The following SSBP4 variants were observed in gnomAD, a reference collection of about 807,000 sequenced individuals.
SSBP4 encodes single-stranded DNA-binding protein 4.
A neutral mutation model predicts 64.6 loss-of-function variants in SSBP4; 33 were observed. That is an observed-to-expected ratio of 0.51 (90% CI 0.39 to 0.68). SSBP4 has a LOEUF of 0.68. Ranked by LOEUF, SSBP4 falls within the 30% of genes least tolerant of loss-of-function variation. The probability of loss-of-function intolerance (pLI) is 0.00; values close to 1 mark genes in which losing one functional copy is unlikely to be tolerated. For missense variants in SSBP4, 583 were observed against 566.8 expected (o/e 1.03, Z -0.29); for synonymous variants, 243 against 224.0 (o/e 1.08, Z -0.76).
chr19:18,433,077 C>T (rs771113475), intron 14 of SSBP4, 34 bp downstream of exon 14: 15 of 1,613,682 alleles, frequency 9.3e-6, no homozygotes, highest in Non-Finnish European at 1.3e-5. Context: ...CTTCTCGAGG[C>T]GGTGACCCCA....
upstream of SSBP4, among the ~76,000 whole-genome samples, chr19:18,416,706 G>A (rs957294135): frequency 6.6e-6 from 1 of 152,206 alleles, no homozygotes; most frequent in Non-Finnish European, 1.5e-5. Context: ...CCACCTCAGG[G>A]CCTTGGCCCT....
At position 18,427,141 on chromosome 19, in the gene SSBP4, C is replaced by T. The variant is rs943360337; in HGVS notation, c.60-210C>T. ...GGCCAGGACTTGGTCCTCGAGGGAG[C>T]GTGGAACACAGCCGAATTCGGCCCG... On this transcript the variant is annotated intron_variant, in intron 1 of 17. Transcript: ENST00000270061. The surrounding 1 kb of genome is among the most constrained non-coding windows in gnomAD (Gnocchi z 4.4). 7.2e-5 allele frequency among the ~76,000 whole-genome samples: 11 copies of T among 152,144 alleles called. No homozygotes were observed. The highest frequency in any genetic ancestry group is 2.2e-4 in the African/African-American group (9 of 41,422).
intron 1 of SSBP4, 30 bp downstream of exon 1, chr19:18,419,737 C>G (rs1369295734): frequency 3.5e-5 from 40 of 1,133,546 alleles, no homozygotes; most frequent in Admixed American, 9.8e-5. Flanking sequence ...CGGGGCTCGG[C>G]GTCCGCGCTC....
At chr19:18,434,007 C>T in intron 17 of SSBP4, 190 bp downstream of exon 17, 9 of 993,284 alleles carry the variant, frequency 9.1e-6, no homozygotes, top group Non-Finnish European at 1.1e-5. Flanking sequence ...GCTCCTATTT[C>T]ACCGTCCCGA....
At chr19:18,408,183 G>A in the SSBP4 span, among the ~76,000 whole-genome samples, 6 of 152,230 alleles carry the variant, frequency 3.9e-5, no homozygotes, top group Non-Finnish European at 7.3e-5. Flanking sequence ...TGACAGTGAC[G>A]CTGACCACGG....
chr19:18,427,501 G>A lies in SSBP4; in HGVS notation c.132+78G>A. On this transcript the variant is annotated intron_variant, in intron 2 of 17. Coordinates refer to ENST00000270061, the MANE Select transcript of SSBP4 (RefSeq NM_032627.5). This position sits in a 1 kb window ranked among gnomAD's most constrained non-coding sequence, Gnocchi z 4.4. ...CCTTCATTTCCACTGGGGATCCAGG[G>A]GGTGGGCCCGCGTTGCCCCTCTGAT... The A allele has an allele frequency of 2.6e-6, 4 of 1,539,034 alleles. No homozygotes were observed. The South Asian group carries it at 3.4e-5, about 13-fold the overall frequency.
chr19:18,432,481 A>G, intron 10 of SSBP4, 78 bp from the exon 11 acceptor site: 2 of 1,504,584 alleles, frequency 1.3e-6, no homozygotes, highest in Non-Finnish European at 1.8e-6. Flanking sequence ...ACAGTGGAGC[A>G]GGGTGTGGGG....
At chr19:18,433,414 T>TC (rs917121812) in intron 15 of SSBP4, 171 bp from the exon 16 acceptor site, 22 of 1,302,892 alleles carry the variant, frequency 1.7e-5, no homozygotes, top group African/African-American at 2.9e-5. Context: ...TGACCGCCCC[T>TC]CCCCCCCAGG....
the SSBP4 span, among the ~76,000 whole-genome samples, chr19:18,409,359 T>C: frequency 1.3e-4 from 20 of 152,056 alleles, no homozygotes; most frequent in Non-Finnish European, 2.2e-4. Flanking sequence ...GCTAATTTTT[T>C]GTGATTTTGG....
At chr19:18,405,635 A>G in the SSBP4 span, among the ~76,000 whole-genome samples, 1 of 152,040 alleles carries the variant, frequency 6.6e-6, no homozygotes, top group Non-Finnish European at 1.5e-5. Flanking sequence ...CAGCCTCCAG[A>G]GTAGCTGGGT....
In SSBP4 at chr19:18,434,340, G is replaced by C; in HGVS notation, c.*94G>C. Reference sequence around the variant, plus strand: ...GCTGAGGTCACACCTCGGGCACCTGGACTCCTGGCCAATCAAGGCTTGCCC... The same window carrying C: ...GCTGAGGTCACACCTCGGGCACCTGCACTCCTGGCCAATCAAGGCTTGCCC... On this transcript the variant is annotated 3_prime_UTR_variant, in exon 18 of 18. Transcript: ENST00000270061. 6.5e-7 allele frequency: 1 copy of C among 1,544,130 alleles called. No homozygotes were observed. The highest frequency in any genetic ancestry group is 8.7e-7 in the Non-Finnish European group (1 of 1,147,480).
the SSBP4 span, among the ~76,000 whole-genome samples, chr19:18,408,786 C>T: frequency 1.9e-4 from 29 of 152,202 alleles, no homozygotes; most frequent in African/African-American, 6.5e-4. Context: ...CCACCGCACG[C>T]GGCCCAAACC....
At position 18,432,064 on chromosome 19, in the gene SSBP4, G is replaced by A. The variant is rs1600349323; in HGVS notation, c.630G>A (p.Gly210=). 6.3e-7 allele frequency: 1 copy of A among 1,592,136 alleles called. No individual in the cohort carries two copies. The highest frequency in any genetic ancestry group is 1.1e-5 in the South Asian group (1 of 89,314). Residue 210 remains glycine (G), a synonymous_variant, in exon 9 of 18, where the codon GGG becomes GGA. Coordinates refer to ENST00000270061, the MANE Select transcript of SSBP4 (RefSeq NM_032627.5). The part of the protein sequence containing the change: ...VTPPRGMASV[G]PQSYGGGMRP... Reference sequence around the variant, plus strand: ...CTCCTCGTGGCATGGCCAGCGTGGGGCCCCAGGTAAGAGTGGAGCCCTGGT... The same window carrying A: ...CTCCTCGTGGCATGGCCAGCGTGGGACCCCAGGTAAGAGTGGAGCCCTGGT...
Position 18,427,718 on chromosome 19 carries a change from G to C in SSBP4, c.133-34G>C. 2 of 1,554,774 alleles carry C rather than the reference G, an allele frequency of 1.3e-6. No homozygotes were observed. The highest frequency in any genetic ancestry group is 1.7e-6 in the Non-Finnish European group (2 of 1,145,358). On this transcript the variant is annotated intron_variant, in intron 2 of 17. Coordinates refer to ENST00000270061, the MANE Select transcript of SSBP4 (RefSeq NM_032627.5). This position sits in a 1 kb window ranked among gnomAD's most constrained non-coding sequence, Gnocchi z 4.4. ...CTGGGTGGTGGGGCAGGGTCAGGTA[G>C]GGCCACCCCCTCACCACCTTCCTTT...
At position 18,427,833 on chromosome 19, in the gene SSBP4, G is replaced by A. The variant is rs773767108; in HGVS notation, c.194+20G>A. The A allele has an allele frequency of 1.9e-6, 3 of 1,613,194 alleles. No individual in the cohort carries two copies. Among genetic ancestry groups the A allele is most frequent in the Non-Finnish European group, 2.5e-6 (3 of 1,179,276 alleles). ...GTGGTGGTACGGGCTGGGCTGCTGTGGGTGGGCTGTGGAAGGGGGTTGAGG... is the reference window on the plus strand; with the variant it reads ...GTGGTGGTACGGGCTGGGCTGCTGTAGGTGGGCTGTGGAAGGGGGTTGAGG... On this transcript the variant is annotated intron_variant, in intron 3 of 17. Coordinates refer to ENST00000270061, the MANE Select transcript of SSBP4 (RefSeq NM_032627.5). The surrounding 1 kb of genome is among the most constrained non-coding windows in gnomAD (Gnocchi z 4.4).
the SSBP4 span, among the ~76,000 whole-genome samples, chr19:18,411,250 T>C: frequency 1.3e-5 from 2 of 152,136 alleles, no homozygotes; most frequent in Non-Finnish European, 2.9e-5. Flanking sequence ...CTCAACACTT[T>C]GGGATGCCAA....
At chr19:18,402,867 T>A in the SSBP4 span, among the ~76,000 whole-genome samples, 1 of 151,866 alleles carries the variant, frequency 6.6e-6, no homozygotes, top group African/African-American at 2.4e-5. Flanking sequence ...GATCTGATCG[T>A]CCCCCCAGCC....
At chr19:18,408,754 G>C in the SSBP4 span, among the ~76,000 whole-genome samples, 1 of 152,196 alleles carries the variant, frequency 6.6e-6, no homozygotes, top group Non-Finnish European at 1.5e-5. Flanking sequence ...GCCTCCCAAA[G>C]TGCTGGGATT....
In SSBP4 at chr19:18,433,802, G is replaced by T; in HGVS notation, c.1113G>T (p.Pro371=). 3 of 1,438,602 alleles carry T rather than the reference G, an allele frequency of 2.1e-6. No individual in the cohort carries two copies. Among genetic ancestry groups the T allele is most frequent in the Admixed American group, 2.7e-5 (1 of 37,166 alleles). The allele number at this position is 1,438,602 out of a possible 1,614,324, so 89.1% of individuals were successfully genotyped here. ...CGGCCGCCGGGACCTTCCTGCACCCGTTCCCGAGCGAAAGCGTAAGCGACT... is the reference window on the plus strand; with the variant it reads ...CGGCCGCCGGGACCTTCCTGCACCCTTTCCCGAGCGAAAGCGTAAGCGACT... The part of the protein sequence containing the change: ...EMAAAGTFLH[P]FPSESYSPGM... Residue 371 remains proline, a synonymous_variant, in exon 17 of 18, where the codon CCG becomes CCT. Transcript: ENST00000270061.
Sources: gnomAD v4.1 joint callset for allele counts (sites outside exome capture counted in the v4.1 genomes callset) on GRCh38, gnomAD v4.1.1 for gene constraint, Gnocchi (gnomAD v3.1) non-coding constraint, MANE v1.5 for transcripts, NCBI Gene and HGNC (gene_info 2026-07-23, HGNC 2026-07-21) for gene names.